Variants in ATP5F1A observed in about 807,000 individuals in gnomAD.
The protein encoded by ATP5F1A is ATP synthase F1 subunit alpha.
Under a neutral mutation model 57.4 loss-of-function variants are expected in ATP5F1A, and 24 were observed. That is an observed-to-expected ratio of 0.42 (90% CI 0.30 to 0.59). The LOEUF is 0.59. ATP5F1A is among the 20% of genes least tolerant of loss of function. ATP5F1A has a pLI of 0.19. For missense variants in ATP5F1A, 494 were observed against 707.9 expected, an observed-to-expected ratio of 0.70 and a Z score of 3.43; for synonymous variants, 251 against 255.5, an observed-to-expected ratio of 0.98 and a Z score of 0.17.
chr18:46,092,817 T>C (rs1386041403), intron 2 of ATP5F1A, among the ~76,000 whole-genome samples: 11 of 152,114 alleles, frequency 7.2e-5, no homozygotes, highest in Admixed American at 7.2e-4. Context: ...TGTTAAAACC[T>C]GAATTTTTGG....
In ATP5F1A at chr18:46,080,363, C is replaced by T. The variant is rs1028845688; in HGVS notation, c.*3919G>A. 6 of 152,184 alleles carry T rather than the reference C, an allele frequency of 3.9e-5. No homozygotes were observed. The highest frequency in any genetic ancestry group is 8.8e-5 in the Non-Finnish European group (6 of 68,036). 9.4% of individuals were successfully genotyped at this position (152,184 alleles called of 1,614,324 possible). A position where few individuals can be genotyped will look rare whatever the true frequency, so the allele number is the denominator to read the frequency against. On this transcript the variant is annotated 3_prime_UTR_variant, in exon 12 of 12. Coordinates refer to ENST00000398752, the MANE Select transcript of ATP5F1A (RefSeq NM_004046.6). ...CCCCCAGTGATAAGATAAATGCACACAGACACAATTTTATGACAGCCATTT... is the reference window on the plus strand; with the variant it reads ...CCCCCAGTGATAAGATAAATGCACATAGACACAATTTTATGACAGCCATTT...
Position 46,098,290 on chromosome 18 carries a change from C to CA in ATP5F1A, c.-60dup. On this transcript the variant is annotated 5_prime_UTR_variant, in exon 1 of 12. Transcript: ENST00000398752. ...GCCGCAGCCTCCGGACTGACTGGGA[C>CA]AAAATGGCCGAGCCGCAAAGAAGGT... is the stretch of plus-strand genomic sequence containing the variant. 2 of 1,518,722 alleles carry CA rather than the reference C, an allele frequency of 1.3e-6. No homozygotes were observed. Among genetic ancestry groups the CA allele is most frequent in the Non-Finnish European group, 1.8e-6 (2 of 1,131,292 alleles). The allele number at this position is 1,518,722 out of a possible 1,614,324, so 94.1% of individuals were successfully genotyped here.
In ATP5F1A at chr18:46,083,463, G is replaced by C. The variant is rs1024238407; in HGVS notation, c.*819C>G. The C allele has an allele frequency of 5.9e-5, 9 of 152,134 alleles. No individual in the cohort carries two copies. Among genetic ancestry groups the C allele is most frequent in the African/African-American group, 2.2e-4 (9 of 41,440 alleles). 9.4% of individuals were successfully genotyped at this position (152,134 alleles called of 1,614,324 possible). On this transcript the variant is annotated 3_prime_UTR_variant, in exon 12 of 12. Transcript: ENST00000398752. ...TCACAAAACAAACAAAAGAGATATT[G>C]ACAAGTTTTCATAATCCTATGCATT...
intron 10 of ATP5F1A, chr18:46,085,823 C>T (rs891529471): frequency 5.9e-6 from 2 of 338,250 alleles, no homozygotes; most frequent in Non-Finnish European, 1.1e-5. Context: ...ATCCGAGCTA[C>T]TAAGGAGGCT....
rs1280152997 is a variant in ATP5F1A at position 46,081,682 on chromosome 18, A to AAC, written c.*2599_*2600insGT. The AAC allele has an allele frequency of 0.25, 25,349 of 101,040 alleles. 2,145 individuals are homozygous for AAC. Among genetic ancestry groups the AAC allele is most frequent in the Middle Eastern group, 0.33 (63 of 190 alleles). The allele number at this position is 101,040 out of a possible 1,614,324, so 6.3% of individuals were successfully genotyped here. ...TCTCAAAAAAAAAAAACAAAAAAAA[A>AAC]AAAAAAAAAAAAAAACGAAATGTGC... On this transcript the variant is annotated 3_prime_UTR_variant, in exon 12 of 12. Coordinates refer to ENST00000398752, the MANE Select transcript of ATP5F1A (RefSeq NM_004046.6).
rs1910435483 is a variant in ATP5F1A, at chr18:46,089,988, G to A, written c.318C>T (p.Ser106=). ...VEFSSGLKGM[S]LNLEPDNVGV... ...CAACATTGTCAGGTTCCAAGTTCAAGGACATACCCTGCACAAAAGACACAA... is the reference window on the plus strand; with the variant it reads ...CAACATTGTCAGGTTCCAAGTTCAAAGACATACCCTGCACAAAAGACACAA... The change falls in exon 4 of 12, where the codon TCC becomes TCT. Residue 106 remains serine, a synonymous_variant. Transcript: ENST00000398752. 1.3e-6 allele frequency: 2 copies of A among 1,549,630 alleles called. No homozygotes were observed. The highest frequency in any genetic ancestry group is 1.7e-6 in the Non-Finnish European group (2 of 1,144,174).
chr18:46,087,617 T>G, intron 6 of ATP5F1A, 125 bp from the exon 7 acceptor site: 1 of 1,144,138 alleles, frequency 8.7e-7, no homozygotes, highest in African/African-American at 1.6e-5. Context: ...CAGTGGCTCA[T>G]GCCTGTAATC....
At chr18:46,086,011 C>A (rs1388014526) in intron 10 of ATP5F1A, 102 bp downstream of exon 10, 23 of 1,247,060 alleles carry the variant, frequency 1.8e-5, no homozygotes, top group South Asian at 6.9e-5. Flanking sequence ...TAACAGATAA[C>A]AACACGTAGT....
chr18:46,085,038 C>A (rs1909978235), intron 10 of ATP5F1A: 1 of 158,196 alleles, frequency 6.3e-6, no homozygotes, highest in Admixed American at 6.5e-5. Context: ...GGGACTCTAA[C>A]AGGCCTTAAT....
upstream of ATP5F1A, among the ~76,000 whole-genome samples, chr18:46,101,617 C>T (rs1044972591): frequency 3.4e-5 from 5 of 146,840 alleles, no homozygotes; most frequent in South Asian, 6.6e-4. Context: ...CAAAATTAGC[C>T]GGCATGGTGG....
At position 46,082,997 on chromosome 18, in the gene ATP5F1A, CTGAGA is replaced by C. The variant is rs1237448227; in HGVS notation, c.*1280_*1284del. On this transcript the variant is annotated 3_prime_UTR_variant, in exon 12 of 12. Transcript: ENST00000398752. ...CCCAGGAGGTGAAAGGTGCAGTGAG[CTGAGA>C]TTACGCCACTGCTCTCCAGCCTAGG... The C allele has an allele frequency of 2.6e-5, 4 of 152,160 alleles. No homozygotes were observed. Among genetic ancestry groups the C allele is most frequent in the Admixed American group, 1.3e-4 (2 of 15,268 alleles). 9.4% of individuals were successfully genotyped at this position (152,160 alleles called of 1,614,324 possible).
chr18:46,083,267 C>G lies in ATP5F1A; in HGVS notation c.*1015G>C, dbSNP rs1909863713. 6.6e-6 allele frequency: 1 copy of G among 151,020 alleles called. No individual in the cohort carries two copies. The highest frequency in any genetic ancestry group is 1.5e-5 in the Non-Finnish European group (1 of 67,810). 9.4% of individuals were successfully genotyped at this position (151,020 alleles called of 1,614,324 possible). The stretch of plus-strand genomic sequence containing the variant: ...TCAGCCTGGACAACATGGCAAGACC[C>G]TCCCTCTACAAAAAGTAGAAAAATT... On this transcript the variant is annotated 3_prime_UTR_variant, in exon 12 of 12. Transcript: ENST00000398752.
At chr18:46,101,050 C>T (rs1030654852), upstream of ATP5F1A, among the ~76,000 whole-genome samples, 8 of 152,018 alleles carry the variant, frequency 5.3e-5, no homozygotes, top group East Asian at 1.9e-4. Context: ...CCAGCCTGGG[C>T]GACAGAGTGA....
upstream of ATP5F1A, chr18:46,098,340 G>A (rs1911138096): frequency 3.6e-6 from 5 of 1,405,412 alleles, no homozygotes; most frequent in Non-Finnish European, 4.7e-6. Flanking sequence ...CACCTGACCC[G>A]GAAGTACTGC....
At chr18:46,095,919 C>T (rs997326370) in intron 1 of ATP5F1A, among the ~76,000 whole-genome samples, 9 of 151,650 alleles carry the variant, frequency 5.9e-5, no homozygotes, top group Admixed American at 4.6e-4. Context: ...GACGGAGTCT[C>T]ATTCTGTCAC....
chr18:46,099,931 A>T (rs1911218681), upstream of ATP5F1A, among the ~76,000 whole-genome samples: 1 of 152,180 alleles, frequency 6.6e-6, no homozygotes, highest in South Asian at 2.1e-4. Context: ...ATAGAGCAGC[A>T]GTTCTCCTGG....
chr18:46,087,493 C>T lies in ATP5F1A; in HGVS notation c.800-1G>A. 6.2e-7 allele frequency: 1 copy of T among 1,610,364 alleles called. No individual in the cohort carries two copies. The highest frequency in any genetic ancestry group is 8.5e-7 in the Non-Finnish European group (1 of 1,179,166). The stretch of plus-strand genomic sequence containing the variant: ...ACCACAATGGTGTACTTCATGGCAT[C>T]TGAGAAAATATATTTTACAATTTTA... On this transcript the variant is annotated splice_acceptor_variant, in intron 6 of 11. Coordinates refer to ENST00000398752, the MANE Select transcript of ATP5F1A (RefSeq NM_004046.6). LOFTEE classifies it high-confidence loss of function.
At chr18:46,100,223 GC>G (rs1434614063), upstream of ATP5F1A, among the ~76,000 whole-genome samples, 1 of 126,940 alleles carries the variant, frequency 7.9e-6, no homozygotes, top group African/African-American at 3.1e-5. Context: ...CTGTCCTCCA[GC>G]CTGGGCAATA....
At chr18:46,087,523 T>C (rs1298782450) in intron 6 of ATP5F1A, 31 bp from the exon 7 acceptor site, 1 of 1,602,760 alleles carries the variant, frequency 6.2e-7, no homozygotes. Context: ...ATTTTATCAA[T>C]ATTGTGGTTT....
Sources: allele counts gnomAD v4.1 joint callset (sites outside exome capture counted in the v4.1 genomes callset), GRCh38; gene constraint gnomAD v4.1.1; transcripts MANE v1.5; gene names NCBI Gene and HGNC (gene_info 2026-07-23, HGNC 2026-07-21).